The following NFIB variants were observed in gnomAD, a reference collection of about 807,000 sequenced individuals.
NFIB encodes the protein nuclear factor I B, also known as nuclear factor 1 B-type.
In NFIB, 11 loss-of-function variants were observed where a neutral mutation model predicts 61.5. The ratio of observed to expected loss-of-function variants is 0.18; its 90% CI spans 0.11 to 0.30. NFIB has a LOEUF of 0.30. Ranked by LOEUF, NFIB falls within the 10% of genes least tolerant of loss-of-function variation. NFIB has a pLI of 1.00. For missense variants in NFIB, 471 were observed against 608.9 expected (o/e 0.77, Z 2.38); for synonymous variants, 260 against 216.5 (o/e 1.20, Z -1.76).
chr9:14,372,777 T>C (rs1479741379), intron 1 of NFIB, among the ~76,000 whole-genome samples: 1 of 152,212 alleles, frequency 6.6e-6, no homozygotes, highest in Non-Finnish European at 1.5e-5. Context: ...CTGTAGCTTC[T>C]AATGCTATGC....
At chr9:14,466,901 T>C in the NFIB span, among the ~76,000 whole-genome samples, 1 of 152,144 alleles carries the variant, frequency 6.6e-6, no homozygotes, top group Non-Finnish European at 1.5e-5. Flanking sequence ...CTGACCTCTA[T>C]TTGCCTGAAA....
intron 2 of NFIB, among the ~76,000 whole-genome samples, chr9:14,187,077 G>C (rs557703519): frequency 1.2e-4 from 17 of 145,456 alleles, no homozygotes; most frequent in African/African-American, 4.4e-4. Context: ...GTGTGTGCCT[G>C]TGTCTCCCTT....
chr9:14,496,396 T>A, the NFIB span, among the ~76,000 whole-genome samples: 1 of 152,206 alleles, frequency 6.6e-6, no homozygotes, highest in Non-Finnish European at 1.5e-5. Context: ...GTGTGGAATT[T>A]TCCACTTGTG....
chr9:14,475,436 C>T, the NFIB span, among the ~76,000 whole-genome samples: 1 of 152,118 alleles, frequency 6.6e-6, no homozygotes. Context: ...CCATGATGGA[C>T]GGTACAGTTC....
the NFIB span, among the ~76,000 whole-genome samples, chr9:14,447,648 G>A: frequency 6.6e-6 from 1 of 152,158 alleles, no homozygotes; most frequent in African/African-American, 2.4e-5. Flanking sequence ...TTCTGGTTGA[G>A]AGTGGGAGTG....
At chr9:14,359,845 A>C (rs1445777387) in intron 1 of NFIB, among the ~76,000 whole-genome samples, 2 of 152,188 alleles carry the variant, frequency 1.3e-5, no homozygotes, top group African/African-American at 4.8e-5. Context: ...GTTAGATTTA[A>C]AGAAAGACAT....
the NFIB span, among the ~76,000 whole-genome samples, chr9:14,435,939 T>C: frequency 3.9e-5 from 6 of 152,230 alleles, no homozygotes; most frequent in African/African-American, 1.4e-4. Context: ...GGTAACTCCT[T>C]AAATTACTTC....
At chr9:14,147,275 G>C (rs557466202) in intron 5 of NFIB, among the ~76,000 whole-genome samples, 1 of 152,170 alleles carries the variant, frequency 6.6e-6, no homozygotes, top group South Asian at 2.1e-4. Flanking sequence ...ATAAAATCTT[G>C]AGTAGGCCAC....
At chr9:14,204,726 T>A in intron 2 of NFIB, 1 of 588,476 alleles carries the variant, frequency 1.7e-6, no homozygotes, top group Non-Finnish European at 3.1e-6. Flanking sequence ...GCATACAACA[T>A]GGATCCCATC....
chr9:14,465,607 A>ACG, the NFIB span, among the ~76,000 whole-genome samples: 1 of 144,964 alleles, frequency 6.9e-6, no homozygotes, highest in Non-Finnish European at 1.5e-5. Flanking sequence ...ACACACACAC[A>ACG]CGCCCTACCC....
At chr9:14,353,639 A>G (rs1361032969) in intron 1 of NFIB, among the ~76,000 whole-genome samples, 15 of 152,156 alleles carry the variant, frequency 9.9e-5, no homozygotes, top group Admixed American at 9.2e-4. Context: ...GTCAGGACAA[A>G]GGCTGCTGCG....
chr9:14,374,139 T>C (rs1171742546), intron 1 of NFIB, among the ~76,000 whole-genome samples: 2 of 152,142 alleles, frequency 1.3e-5, no homozygotes, highest in Non-Finnish European at 2.9e-5. Context: ...CTTATATGAG[T>C]GAATATAACA....
the NFIB span, among the ~76,000 whole-genome samples, chr9:14,437,777 C>T: frequency 6.6e-6 from 1 of 152,232 alleles, no homozygotes; most frequent in Non-Finnish European, 1.5e-5. Context: ...TTCTCCTGCT[C>T]GTCCCTCTTC....
chr9:14,376,828 A>ATT (rs112431442), intron 1 of NFIB, among the ~76,000 whole-genome samples: 4 of 151,674 alleles, frequency 2.6e-5, no homozygotes, highest in South Asian at 4.2e-4. Context: ...TAAAAGTGCC[A>ATT]TTTTTTTTAA....
chr9:14,254,140 A>G (rs1188345257), intron 2 of NFIB, among the ~76,000 whole-genome samples: 2 of 152,040 alleles, frequency 1.3e-5, no homozygotes, highest in East Asian at 3.9e-4. Flanking sequence ...CATTCTAGTA[A>G]AAGTACAAAA....
chr9:14,137,939 AGTTTC>A (rs2041252647), intron 6 of NFIB, among the ~76,000 whole-genome samples: 2 of 152,152 alleles, frequency 1.3e-5, no homozygotes, highest in African/African-American at 4.8e-5. Flanking sequence ...TCTGTATTGA[AGTTTC>A]ATGCATTAAA....
At chr9:14,382,143 C>G (rs1004442299) in intron 1 of NFIB, among the ~76,000 whole-genome samples, 1 of 152,176 alleles carries the variant, frequency 6.6e-6, no homozygotes, top group African/African-American at 2.4e-5. Flanking sequence ...AGTAGGTACC[C>G]AGTCACTACT....
intron 2 of NFIB, among the ~76,000 whole-genome samples, chr9:14,258,111 C>A (rs1340189043): frequency 6.6e-6 from 1 of 152,092 alleles, no homozygotes; most frequent in Non-Finnish European, 1.5e-5. Context: ...TTTGATGACT[C>A]GTATTAGAAC....
the NFIB span, among the ~76,000 whole-genome samples, chr9:14,452,127 T>A: frequency 6.6e-6 from 1 of 152,192 alleles, no homozygotes; most frequent in Non-Finnish European, 1.5e-5. Flanking sequence ...TCATAAAGCC[T>A]TTCTTATTCC....
Sources: gnomAD v4.1 joint callset for allele counts (sites outside exome capture counted in the v4.1 genomes callset) on GRCh38, gnomAD v4.1.1 for gene constraint, MANE v1.5 for transcripts, NCBI Gene and HGNC (gene_info 2026-07-23, HGNC 2026-07-21) for gene names.